Variants in USP8 observed in about 807,000 individuals in gnomAD.
The protein encoded by USP8 is ubiquitin carboxyl-terminal hydrolase 8.
USP8 carries 27 observed loss-of-function variants against 130.0 expected under a neutral mutation model. The observed-to-expected ratio is 0.21, with a 90% confidence interval of 0.15 to 0.29. USP8 has a LOEUF of 0.29. Ranked by LOEUF, USP8 falls within the 10% of genes least tolerant of loss-of-function variation. The pLI is 1.00. For synonymous variants in USP8, 392 were observed against 444.1 expected (o/e 0.88, Z 1.48); for missense variants, 1,029 against 1,312.2 (o/e 0.78, Z 3.33).
chr15:50,490,660 C>A, intron 14 of USP8, 135 bp downstream of exon 14: 1 of 1,164,286 alleles, frequency 8.6e-7, no homozygotes, highest in Non-Finnish European at 1.2e-6. Flanking sequence ...TTATTTACCA[C>A]AGAGAACAAA....
At chr15:50,488,816 A>ACG (rs2052055652) in intron 12 of USP8, among the ~76,000 whole-genome samples, 1 of 151,102 alleles carries the variant, frequency 6.6e-6, no homozygotes, top group South Asian at 2.1e-4. Context: ...CAGGTGATCC[A>ACG]CCTGCCTCGG....
chr15:50,471,125 T>C (rs1054311715), intron 7 of USP8, among the ~76,000 whole-genome samples: 4 of 152,202 alleles, frequency 2.6e-5, no homozygotes, highest in African/African-American at 9.7e-5. Context: ...CTTACAGGAT[T>C]GTTGTGAAGA....
rs1595887576 is a variant in USP8 at position 50,424,417 on chromosome 15, C to G, written c.-163C>G. ...GGGAAAAGGGGGTGAGCTGGGCTGG[C>G]TTCCGTCCTGGTAGCCAAGGCTAAT... On this transcript the variant is annotated 5_prime_UTR_variant, in exon 1 of 20. Transcript: ENST00000307179. 4 of 398,710 alleles carry G rather than the reference C, an allele frequency of 1.0e-5. No homozygotes were observed. The East Asian group carries it at 1.4e-4, about 14-fold the overall frequency. The allele number at this position is 398,710 out of a possible 1,614,324, so 24.7% of individuals were successfully genotyped here.
At chr15:50,496,119 G>T in intron 17 of USP8, 35 bp downstream of exon 17, 1 of 1,492,612 alleles carries the variant, frequency 6.7e-7, no homozygotes, top group Non-Finnish European at 9.2e-7. Context: ...ATGATTTATT[G>T]GATAAAAATG....
At chr15:50,452,022 C>A (rs2050643140) in intron 4 of USP8, among the ~76,000 whole-genome samples, 1 of 152,210 alleles carries the variant, frequency 6.6e-6, no homozygotes, top group Non-Finnish European at 1.5e-5. Context: ...TGGCCCCTGT[C>A]CTAGGGGTGG....
chr15:50,426,531 A>G (rs777273446), intron 1 of USP8, among the ~76,000 whole-genome samples: 1 of 152,224 alleles, frequency 6.6e-6, no homozygotes, highest in Non-Finnish European at 1.5e-5. Context: ...TTTGGAGTCA[A>G]CCGAGAGCTC....
At chr15:50,493,882 G>A (rs771199624) in intron 15 of USP8, 188 bp from the exon 16 acceptor site, 32 of 770,988 alleles carry the variant, frequency 4.2e-5, no homozygotes, top group Non-Finnish European at 7.1e-5. Flanking sequence ...GCCAAAAGAA[G>A]GAAGCTGAAG....
At chr15:50,488,658 A>C (rs932158105) in intron 12 of USP8, among the ~76,000 whole-genome samples, 2 of 135,496 alleles carry the variant, frequency 1.5e-5, no homozygotes, top group African/African-American at 5.6e-5. Context: ...TCCGCCTCCC[A>C]GGTTCAAGCA....
intron 3 of USP8, among the ~76,000 whole-genome samples, chr15:50,447,753 T>C (rs938258287): frequency 6.6e-6 from 1 of 151,712 alleles, no homozygotes; most frequent in African/African-American, 2.4e-5. Flanking sequence ...ACGCTTATTT[T>C]TTTTTTTGTC....
At chr15:50,472,777 G>A (rs1451653494) in intron 8 of USP8, among the ~76,000 whole-genome samples, 2 of 152,002 alleles carry the variant, frequency 1.3e-5, no homozygotes, top group African/African-American at 4.8e-5. Flanking sequence ...GGGCATGGTG[G>A]TGTGCACCTG....
intron 7 of USP8, among the ~76,000 whole-genome samples, chr15:50,468,433 G>C (rs2051266905): frequency 2.0e-5 from 3 of 150,828 alleles, no homozygotes; most frequent in African/African-American, 7.3e-5. Context: ...AGTAGACACA[G>C]GGTTTCACTA....
At position 50,498,592 on chromosome 15, in the gene USP8, G is replaced by T; in HGVS notation, c.3039-4G>T. 2 of 1,604,790 alleles carry T rather than the reference G, an allele frequency of 1.2e-6. No individual in the cohort carries two copies. Among genetic ancestry groups the T allele is most frequent in the Non-Finnish European group, 1.7e-6 (2 of 1,176,484 alleles). On this transcript the variant is annotated splice_region_variant and splice_polypyrimidine_tract_variant and intron_variant, in intron 18 of 19. Transcript: ENST00000307179. ...CAGTGTAATTGTAATGTTTTGTTCT[G>T]CAGTTTTTCCTACGATGGCAGGTGG... is the stretch of plus-strand genomic sequence containing the variant.
At chr15:50,470,808 G>A (rs1349697794) in intron 7 of USP8, among the ~76,000 whole-genome samples, 4 of 152,012 alleles carry the variant, frequency 2.6e-5, no homozygotes, top group Non-Finnish European at 5.9e-5. Flanking sequence ...ATGTTGGCCA[G>A]GCTGGTCTTG....
At position 50,462,415 on chromosome 15, in the gene USP8, G is replaced by A. The variant is rs372926807; in HGVS notation, c.541+93G>A. 2.0e-5 allele frequency: 22 copies of A among 1,124,914 alleles called. No individual in the cohort carries two copies. In the East Asian group the frequency reaches 2.6e-4, roughly 14 times the overall value. 69.7% of individuals were successfully genotyped at this position (1,124,914 alleles called of 1,614,324 possible). A position where few individuals can be genotyped will look rare whatever the true frequency, so the allele number is the denominator to read the frequency against. On this transcript the variant is annotated intron_variant, in intron 6 of 19. Transcript: ENST00000307179. ...CAGGTTTTATACAATGAGATTCTTA[G>A]CATTGTTGTCTAATCTCTATGTAAG...
chr15:50,432,677 C>G (rs1369473844), intron 1 of USP8, among the ~76,000 whole-genome samples: 1 of 152,158 alleles, frequency 6.6e-6, no homozygotes, highest in African/African-American at 2.4e-5. Flanking sequence ...ATACATTTTA[C>G]ATTTTCATCC....
At chr15:50,490,923 C>T (rs2052137786) in intron 14 of USP8, among the ~76,000 whole-genome samples, 1 of 152,088 alleles carries the variant, frequency 6.6e-6, no homozygotes, top group South Asian at 2.1e-4. Context: ...TCCCCTTAGC[C>T]AATAATGTAA....
At position 50,499,197 on chromosome 15, in the gene USP8, G is replaced by A; in HGVS notation, c.*109G>A. On this transcript the variant is annotated 3_prime_UTR_variant, in exon 20 of 20. Coordinates refer to ENST00000307179, the MANE Select transcript of USP8 (RefSeq NM_005154.5). ...TAGCTGGCCATTTAGAGGAATTCTA[G>A]GACAGTGGGAGCTGTGTTACTAGCA... The A allele has an allele frequency of 9.1e-7, 1 of 1,100,436 alleles. No homozygotes were observed. 68.2% of individuals were successfully genotyped at this position (1,100,436 alleles called of 1,614,324 possible). A position where few individuals can be genotyped will look rare whatever the true frequency, so the allele number is the denominator to read the frequency against.
chr15:50,425,367 G>T (rs1341643480), intron 1 of USP8, among the ~76,000 whole-genome samples: 1 of 152,202 alleles, frequency 6.6e-6, no homozygotes, highest in East Asian at 1.9e-4. Flanking sequence ...ATGCCAAGTG[G>T]TATTTGTTAA....
chr15:50,493,018 G>A (rs1380488670), intron 15 of USP8, 105 bp downstream of exon 15: 3 of 1,142,776 alleles, frequency 2.6e-6, no homozygotes. Flanking sequence ...AAATACCTAA[G>A]ACTAGATAAT....
Sources: gnomAD v4.1 joint callset for allele counts (sites outside exome capture counted in the v4.1 genomes callset) on GRCh38, gnomAD v4.1.1 for gene constraint, MANE v1.5 for transcripts, NCBI Gene and HGNC (gene_info 2026-07-23, HGNC 2026-07-21) for gene names.